FRMD3: variants seen among roughly 807,000 people sequenced by gnomAD.
The protein encoded by FRMD3 is FERM domain containing 3, also known as FERM domain-containing protein 3.
In FRMD3, 33 loss-of-function variants were observed where a neutral mutation model predicts 70.2. The observed-to-expected ratio is 0.47, with a 90% CI of 0.36 to 0.63. The LOEUF (loss-of-function observed/expected upper bound fraction) is 0.63, where lower values mean the gene tolerates loss of function less well. Among genes scored for constraint, FRMD3 ranks in the 20% least tolerant of loss-of-function variants. The pLI is 0.00. For synonymous variants in FRMD3, 279 were observed against 255.9 expected, an observed-to-expected ratio of 1.09 and a Z score of -0.86; for missense variants, 632 against 711.4, an observed-to-expected ratio of 0.89 and a Z score of 1.27.
Position 83,361,776 on chromosome 9 carries a change from A to C in FRMD3, c.295+11137T>G, listed in dbSNP as rs550531690. Among the ~76,000 whole-genome samples the C allele has an allele frequency of 2.6e-5, 4 of 152,282 alleles. No individual in the cohort carries two copies. The East Asian group carries it at 7.7e-4, about 29-fold the overall frequency. Reference sequence around the variant, plus strand: ...TCTTTATAAGAGAAAGGAGAGTGAGACTTTGACACAGGGCACAGAGAAACA... The same window carrying C: ...TCTTTATAAGAGAAAGGAGAGTGAGCCTTTGACACAGGGCACAGAGAAACA... On this transcript the variant is annotated intron_variant, in intron 3 of 13. Transcript: ENST00000304195.
chr9:83,297,555 T>G (rs1351084782), intron 12 of FRMD3: 1 of 327,184 alleles, frequency 3.1e-6, no homozygotes, highest in East Asian at 7.6e-5. Context: ...GAATGATATG[T>G]TTTATCATTT....
intron 1 of FRMD3, among the ~76,000 whole-genome samples, chr9:83,390,922 A>G (rs1825649007): frequency 6.6e-6 from 1 of 152,198 alleles, no homozygotes; most frequent in Non-Finnish European, 1.5e-5. Context: ...TAACTCAGGA[A>G]GTTGGATGGG....
chr9:83,477,010 A>G (rs942027432), intron 1 of FRMD3, among the ~76,000 whole-genome samples: 32 of 152,222 alleles, frequency 2.1e-4, no homozygotes, highest in Non-Finnish European at 8.8e-5. Context: ...TCTTGCAGGT[A>G]GTAAGCACCT....
intron 1 of FRMD3, among the ~76,000 whole-genome samples, chr9:83,470,875 A>G (rs1334487780): frequency 6.6e-6 from 1 of 152,250 alleles, no homozygotes; most frequent in African/African-American, 2.4e-5. Flanking sequence ...CTTCACATGC[A>G]ATAAAAGTGA....
At chr9:83,445,515 A>G (rs1198382115) in intron 1 of FRMD3, among the ~76,000 whole-genome samples, 1 of 152,188 alleles carries the variant, frequency 6.6e-6, no homozygotes, top group African/African-American at 2.4e-5. Context: ...ATGACAGCTC[A>G]CATTTTAAAT....
chr9:83,314,756 G>A (rs1048284575), intron 6 of FRMD3, among the ~76,000 whole-genome samples: 1 of 152,136 alleles, frequency 6.6e-6, no homozygotes, highest in Non-Finnish European at 1.5e-5. Context: ...GATCCGCACA[G>A]TGTAGATCCT....
intron 12 of FRMD3, among the ~76,000 whole-genome samples, chr9:83,295,645 C>T (rs1209628296): frequency 6.6e-6 from 1 of 152,208 alleles, no homozygotes; most frequent in Non-Finnish European, 1.5e-5. Context: ...AGTTGGCAAA[C>T]AACACAGCTA....
chr9:83,372,676 TG>T (rs1825013445), intron 3 of FRMD3, among the ~76,000 whole-genome samples: 1 of 151,758 alleles, frequency 6.6e-6, no homozygotes, highest in African/African-American at 2.4e-5. Flanking sequence ...ATATCAAATA[TG>T]AGGGCAAGAT....
intron 3 of FRMD3, among the ~76,000 whole-genome samples, chr9:83,355,366 C>T (rs1214356013): frequency 1.3e-5 from 2 of 152,192 alleles, no homozygotes; most frequent in Non-Finnish European, 2.9e-5. Flanking sequence ...CACTGTGCAT[C>T]TTTACTAGAC....
chr9:83,378,508 A>ATG (rs1405457685), intron 2 of FRMD3, among the ~76,000 whole-genome samples: 17 of 80,674 alleles, frequency 2.1e-4, no homozygotes, highest in Admixed American at 8.5e-4. Context: ...AAATTTATAT[A>ATG]TATAATATAC....
At chr9:83,299,504 A>G (rs1834817667) in intron 10 of FRMD3, among the ~76,000 whole-genome samples, 2 of 152,210 alleles carry the variant, frequency 1.3e-5, no homozygotes, top group South Asian at 4.1e-4. Context: ...ATCAGAAGGA[A>G]TTCTCCCCTA....
chr9:83,435,927 A>T (rs1015473521), intron 1 of FRMD3, among the ~76,000 whole-genome samples: 1 of 152,168 alleles, frequency 6.6e-6, no homozygotes, highest in African/African-American at 2.4e-5. Context: ...AGGATATGCC[A>T]CCCAAAAATC....
chr9:83,257,586 T>G (rs1832776178), intron 13 of FRMD3, among the ~76,000 whole-genome samples: 1 of 152,172 alleles, frequency 6.6e-6, no homozygotes, highest in Admixed American at 6.5e-5. Context: ...GAAATTAAAA[T>G]GTCTTCTTTT....
In FRMD3 at chr9:83,328,938, C is replaced by T. The variant is rs542848314; in HGVS notation, c.596+6578G>A. Among the ~76,000 whole-genome samples, 156 of 152,304 alleles carry T rather than the reference C, an allele frequency of 1.0e-3. 1 individual carries two copies. The highest frequency in any genetic ancestry group is 3.6e-3 in the African/African-American group (151 of 41,556). On this transcript the variant is annotated intron_variant, in intron 6 of 13. Transcript: ENST00000304195. The stretch of plus-strand genomic sequence containing the variant: ...GTTAGAATCACATGTGAGATATAAT[C>T]AGACAATGTATTAAGTAATGGCTGA...
At chr9:83,435,829 G>A (rs1435615074) in intron 1 of FRMD3, among the ~76,000 whole-genome samples, 2 of 152,036 alleles carry the variant, frequency 1.3e-5, no homozygotes, top group Admixed American at 6.6e-5. Context: ...AATATGAGGT[G>A]GAAACCAAGA....
intron 1 of FRMD3, among the ~76,000 whole-genome samples, chr9:83,493,235 T>G (rs540768246): frequency 7.2e-5 from 11 of 152,298 alleles, no homozygotes; most frequent in African/African-American, 2.6e-4. Context: ...TTTTCTAAAC[T>G]GACACTTTTC....
intron 1 of FRMD3, among the ~76,000 whole-genome samples, chr9:83,509,912 G>A (rs147970410): frequency 1.3e-5 from 2 of 152,196 alleles, no homozygotes; most frequent in East Asian, 3.9e-4. Flanking sequence ...AAAAAAATAA[G>A]CTCGTGACCT....
chr9:83,392,517 GT>G (rs1486860115), intron 1 of FRMD3, among the ~76,000 whole-genome samples: 3 of 152,164 alleles, frequency 2.0e-5, no homozygotes, highest in Non-Finnish European at 4.4e-5. Context: ...GGAGTAAACA[GT>G]GGTTATGACC....
At chr9:83,357,242 C>CAT (rs1824400264) in intron 3 of FRMD3, among the ~76,000 whole-genome samples, 6 of 13,248 alleles carry the variant, frequency 4.5e-4, no homozygotes, top group Non-Finnish European at 6.5e-4. Context: ...ATATATAATA[C>CAT]ATACATATAT....
Sources: gnomAD v4.1 joint callset for allele counts (sites outside exome capture counted in the v4.1 genomes callset) on GRCh38, gnomAD v4.1.1 for gene constraint, MANE v1.5 for transcripts, NCBI Gene and HGNC (gene_info 2026-07-23, HGNC 2026-07-21) for gene names.